The following LMO2 variants were observed in gnomAD, a reference collection of about 807,000 sequenced individuals.
LMO2 encodes the protein LIM domain only 2.
A neutral mutation model predicts 23.2 loss-of-function variants in LMO2; 20 were observed. That is an observed-to-expected ratio of 0.86 (90% CI 0.61 to 1.25). The LOEUF (loss-of-function observed/expected upper bound fraction) is 1.25. Ranked by LOEUF, LMO2 falls within the 50% of genes most tolerant of loss-of-function variation. The pLI, the probability that LMO2 is intolerant of heterozygous loss-of-function variation, is 0.00. For missense variants in LMO2, 270 were observed against 315.3 expected (o/e 0.86, Z 1.09); for synonymous variants, 123 against 130.2 (o/e 0.94, Z 0.38).
rs1857248692 is a variant in LMO2 at position 33,880,280 on chromosome 11, T to TATATCATATATATCATATATATAC, written c.-272+1520_-272+1543dup. 7.8e-6 allele frequency among the ~76,000 whole-genome samples: 1 copy of TATATCATATATATCATATATATAC among 128,122 alleles called. No homozygotes were observed. Among genetic ancestry groups the TATATCATATATATCATATATATAC allele is most frequent in the African/African-American group, 3.7e-5 (1 of 26,960 alleles). 84.1% of individuals were successfully genotyped at this position (128,122 alleles called of 152,430 possible). On this transcript the variant is annotated intron_variant, in intron 2 of 5. Coordinates refer to ENST00000257818, the MANE Select transcript of LMO2 (RefSeq NM_005574.4). This position sits in a 1 kb window ranked among gnomAD's most constrained non-coding sequence, Gnocchi z 4.3. ...ATATATATCATACATACACATGATA[T>TATATCATATATATCATATATATAC]ATATCATATATATCATATATATACA...
At chr11:33,870,133 G>T in intron 2 of LMO2, 146 bp from the exon 3 acceptor site, 1 of 256,360 alleles carries the variant, frequency 3.9e-6, no homozygotes, top group Non-Finnish European at 6.1e-6. Flanking sequence ...GCAGCATCAG[G>T]ACTGACTTGG....
chr11:33,869,305 G>A (rs1325245774), intron 4 of LMO2, 41 bp downstream of exon 4: 5 of 1,142,764 alleles, frequency 4.4e-6, no homozygotes, highest in East Asian at 4.5e-5. Context: ...ACGCGAGGCC[G>A]TGGACACCGG....
At chr11:33,870,486 T>C (rs1471365786) in intron 2 of LMO2, 3 of 978,094 alleles carry the variant, frequency 3.1e-6, no homozygotes, top group East Asian at 1.1e-4. Flanking sequence ...GGCTGCGGGC[T>C]CCGGGCTGCG....
chr11:33,889,042 T>C (rs1325707427), intron 1 of LMO2, among the ~76,000 whole-genome samples: 1 of 152,202 alleles, frequency 6.6e-6, no homozygotes, highest in East Asian at 1.9e-4. Flanking sequence ...CGAGGAGTCT[T>C]GGATCTTTGT....
rs1332233863 is a variant in LMO2, at chr11:33,859,335, A to G, written c.*21T>C. 3.2e-6 allele frequency: 5 copies of G among 1,584,324 alleles called. No homozygotes were observed. The highest frequency in any genetic ancestry group is 1.3e-5 in the African/African-American group (1 of 74,372). On this transcript the variant is annotated 3_prime_UTR_variant, in exon 6 of 6. Coordinates refer to ENST00000257818, the MANE Select transcript of LMO2 (RefSeq NM_005574.4). The stretch of plus-strand genomic sequence containing the variant: ...GGCGTCTTCAGTGAACACCTCCCCA[A>G]AGATGCCCGGGGACTCGGGCCTATA...
At chr11:33,865,894 G>A (rs542474286) in intron 4 of LMO2, among the ~76,000 whole-genome samples, 4 of 152,234 alleles carry the variant, frequency 2.6e-5, no homozygotes, top group Non-Finnish European at 4.4e-5. Flanking sequence ...CACTTAATAC[G>A]TGTTGATTTA....
intron 5 of LMO2, among the ~76,000 whole-genome samples, chr11:33,861,580 A>G (rs1590627783): frequency 6.6e-6 from 1 of 152,158 alleles, no homozygotes; most frequent in African/African-American, 2.4e-5. Context: ...GCTGCAGGTA[A>G]CCGCCACATT....
intron 5 of LMO2, among the ~76,000 whole-genome samples, chr11:33,862,729 C>G (rs1856630085): frequency 6.6e-6 from 1 of 152,100 alleles, no homozygotes; most frequent in African/African-American, 2.4e-5. Flanking sequence ...AAGGACCATC[C>G]CTGACGCAAA....
In LMO2 at chr11:33,880,751, C is replaced by T. The variant is rs114319015; in HGVS notation, c.-272+1073G>A. 0.014 allele frequency: 2,487 copies of T among 175,954 alleles called. 82 individuals are homozygous for T. The highest frequency in any genetic ancestry group is 0.056 in the African/African-American group (2,324 of 41,748). The allele number at this position is 175,954 out of a possible 1,614,324, so 10.9% of individuals were successfully genotyped here. On this transcript the variant is annotated intron_variant, in intron 2 of 5. Transcript: ENST00000257818. The surrounding 1 kb of genome is among the most constrained non-coding windows in gnomAD (Gnocchi z 4.3). ...TTCCCTAGGTGTAGCTCTGTTCCTACATGCAAAATTTTACATATTGTTCCA... is the reference window on the plus strand; with the variant it reads ...TTCCCTAGGTGTAGCTCTGTTCCTATATGCAAAATTTTACATATTGTTCCA...
At chr11:33,859,615 G>GT (rs1380213421) in intron 5 of LMO2, 40 bp from the exon 6 acceptor site, 11 of 1,582,194 alleles carry the variant, frequency 7.0e-6, no homozygotes, top group Non-Finnish European at 9.5e-6. Context: ...ACAGTGAAAG[G>GT]GACAATCCTG....
chr11:33,875,316 G>A (rs972518247), intron 2 of LMO2, among the ~76,000 whole-genome samples: 1 of 152,142 alleles, frequency 6.6e-6, no homozygotes, highest in Non-Finnish European at 1.5e-5. Flanking sequence ...GGTGGCTCAC[G>A]CCTATAATCC....
chr11:33,875,371 A>G (rs946648631), intron 2 of LMO2, among the ~76,000 whole-genome samples: 3 of 152,144 alleles, frequency 2.0e-5, no homozygotes, highest in Non-Finnish European at 4.4e-5. Flanking sequence ...TGATGTCAGG[A>G]GTTCGAGACC....
rs570619156 is a variant in LMO2, at chr11:33,862,302, G to C, written c.464+2300C>G. Among the ~76,000 whole-genome samples the C allele has an allele frequency of 2.2e-4, 33 of 152,296 alleles. No homozygotes were observed. The South Asian group carries it at 6.6e-3, about 31-fold the overall frequency. On this transcript the variant is annotated intron_variant, in intron 5 of 5. Transcript: ENST00000257818. ...GTCTGTCACTGGTTAAGGTCCGTTG[G>C]GGGTCTAGTTGGGGCAGGCATACTT...
In LMO2 at chr11:33,880,252, GAT is replaced by G. The variant is rs74210193; in HGVS notation, c.-272+1570_-272+1571del. On this transcript the variant is annotated intron_variant, in intron 2 of 5. Transcript: ENST00000257818. This position sits in a 1 kb window ranked among gnomAD's most constrained non-coding sequence, Gnocchi z 4.3. ...TGATATATATATCATATATACACAT[GAT>G]ATATATATCATACATACACATGATA... is the stretch of plus-strand genomic sequence containing the variant. Among the ~76,000 whole-genome samples the G allele has an allele frequency of 0.042, 1,837 of 43,618 alleles. 182 individuals carry two copies. The highest frequency in any genetic ancestry group is 0.13 in the East Asian group (197 of 1,462). 28.6% of individuals were successfully genotyped at this position (43,618 alleles called of 152,430 possible).
intron 4 of LMO2, chr11:33,865,168 T>C (rs1856737906): frequency 2.8e-6 from 1 of 357,726 alleles, no homozygotes; most frequent in African/African-American, 2.1e-5. Flanking sequence ...TGACTCTATC[T>C]TCACAGATCT....
chr11:33,881,030 A>G (rs1204461042), intron 2 of LMO2: 1 of 367,806 alleles, frequency 2.7e-6, no homozygotes, highest in Admixed American at 3.7e-5. Context: ...GGAGCTCAAT[A>G]TTCTTCTAGA....
intron 2 of LMO2, chr11:33,871,171 G>C: frequency 4.1e-6 from 2 of 487,106 alleles, no homozygotes; most frequent in Non-Finnish European, 5.3e-6. Context: ...GTGTCCCAAG[G>C]CTTGGGTCCC....
At chr11:33,886,211 A>G (rs1209165643) in intron 1 of LMO2, among the ~76,000 whole-genome samples, 1 of 152,196 alleles carries the variant, frequency 6.6e-6, no homozygotes, top group African/African-American at 2.4e-5. Context: ...TCATGGAGAT[A>G]TAGGCTGACA....
intron 4 of LMO2, among the ~76,000 whole-genome samples, chr11:33,868,538 G>C (rs1232168385): frequency 6.6e-6 from 1 of 152,182 alleles, no homozygotes; most frequent in Non-Finnish European, 1.5e-5. Flanking sequence ...GAATGGGTGA[G>C]GGATAGAAAA....
Sources: gnomAD v4.1 joint callset for allele counts (sites outside exome capture counted in the v4.1 genomes callset) on GRCh38, gnomAD v4.1.1 for gene constraint, Gnocchi (gnomAD v3.1) non-coding constraint, MANE v1.5 for transcripts, NCBI Gene and HGNC (gene_info 2026-07-23, HGNC 2026-07-21) for gene names.